MAF: variants seen among roughly 807,000 people sequenced by gnomAD.
MAF encodes the protein transcription factor Maf.
Under a neutral mutation model 22.0 loss-of-function variants are expected in MAF, and 10 were observed. The observed-to-expected ratio is 0.45, with a 90% CI of 0.28 to 0.77. The LOEUF is 0.77. MAF is among the 30% of genes least tolerant of loss of function. MAF has a pLI of 0.12. For missense variants in MAF, 544 were observed against 548.4 expected (o/e 0.99, Z 0.08); for synonymous variants, 337 against 255.8 (o/e 1.32, Z -3.03).
At chr16:79,355,594 G>C in the MAF span, among the ~76,000 whole-genome samples, 20 of 152,256 alleles carry the variant, frequency 1.3e-4, no homozygotes, top group African/African-American at 4.8e-4. Context: ...CTATCTCCCT[G>C]GTTTGAGAGT....
At position 79,600,080 on chromosome 16, in the gene MAF, G is replaced by A. The variant is rs974600802; in HGVS notation, c.-178C>T. The A allele has an allele frequency of 3.0e-5, 21 of 695,514 alleles. No individual in the cohort carries two copies. Among genetic ancestry groups the A allele is most frequent in the Non-Finnish European group, 4.2e-5 (19 of 453,350 alleles). The allele number at this position is 695,514 out of a possible 1,614,324, so 43.1% of individuals were successfully genotyped here. A position where few individuals can be genotyped will look rare whatever the true frequency, so the allele number is the denominator to read the frequency against. ...AGCGCGCTCACACACACACCCCCCC[G>A]CCCTGCCCGCGCCCCCCGCGCCCGC... is the stretch of plus-strand genomic sequence containing the variant. On this transcript the variant is annotated 5_prime_UTR_variant, in exon 1 of 2. Coordinates refer to ENST00000326043, the MANE Select transcript of MAF (RefSeq NM_005360.5).
the MAF span, among the ~76,000 whole-genome samples, chr16:79,398,505 G>T: frequency 2.0e-5 from 3 of 152,168 alleles, no homozygotes; most frequent in Admixed American, 2.0e-4. Context: ...TGAGAAGATG[G>T]AGGGAGATAA....
chr16:79,401,651 T>C, the MAF span, among the ~76,000 whole-genome samples: 1 of 152,098 alleles, frequency 6.6e-6, no homozygotes, highest in African/African-American at 2.4e-5. Flanking sequence ...TTCCAGTGTG[T>C]ACCCATACAA....
chr16:79,317,130 T>C, the MAF span, among the ~76,000 whole-genome samples: 2 of 151,246 alleles, frequency 1.3e-5, no homozygotes, highest in Non-Finnish European at 3.0e-5. Flanking sequence ...TCTGTCTCTC[T>C]CCCTCCCTCC....
At chr16:79,244,270 C>T in the MAF span, among the ~76,000 whole-genome samples, 1 of 151,998 alleles carries the variant, frequency 6.6e-6, no homozygotes, top group East Asian at 1.9e-4. Context: ...CAGAGGGAGT[C>T]AAATTGTCTC....
At chr16:79,434,688 G>C in the MAF span, among the ~76,000 whole-genome samples, 2 of 151,622 alleles carry the variant, frequency 1.3e-5, no homozygotes, top group Non-Finnish European at 1.5e-5. Context: ...ATTATATACA[G>C]TTTTAATAGA....
At chr16:79,287,075 C>G in the MAF span, among the ~76,000 whole-genome samples, 83 of 151,652 alleles carry the variant, frequency 5.5e-4, no homozygotes, top group Middle Eastern at 3.5e-3. Context: ...CACAAACGAA[C>G]ATTCCAGAAT....
chr16:79,338,366 A>G, the MAF span, among the ~76,000 whole-genome samples: 15 of 152,298 alleles, frequency 9.8e-5, no homozygotes, highest in East Asian at 7.7e-4. Flanking sequence ...GATATCAAGT[A>G]TTATTCTGTA....
the MAF span, among the ~76,000 whole-genome samples, chr16:79,429,944 G>C: frequency 1.3e-5 from 2 of 152,158 alleles, no homozygotes; most frequent in East Asian, 3.9e-4. Context: ...GGAGCAAAGA[G>C]AGGAAAAAGG....
At chr16:79,296,208 T>C in the MAF span, among the ~76,000 whole-genome samples, 5 of 152,258 alleles carry the variant, frequency 3.3e-5, no homozygotes, top group Non-Finnish European at 7.3e-5. Flanking sequence ...AAGTACCTAA[T>C]AAAGTTAATT....
At chr16:79,506,476 T>C in the MAF span, among the ~76,000 whole-genome samples, 4 of 152,008 alleles carry the variant, frequency 2.6e-5, no homozygotes, top group South Asian at 2.1e-4. Flanking sequence ...CCAGCACCCA[T>C]AAAGGGTGAG....
At chr16:79,206,168 C>A in the MAF span, 2 of 152,140 alleles carry the variant, frequency 1.3e-5, no homozygotes, top group African/African-American at 2.4e-5. Flanking sequence ...GGTGAACACA[C>A]GACAGCCCCC....
At chr16:79,424,028 T>C in the MAF span, among the ~76,000 whole-genome samples, 1 of 152,198 alleles carries the variant, frequency 6.6e-6, no homozygotes, top group Non-Finnish European at 1.5e-5. Context: ...TTCATAGGTT[T>C]TCACCCATTA....
chr16:79,328,040 A>G, the MAF span, among the ~76,000 whole-genome samples: 1 of 152,202 alleles, frequency 6.6e-6, no homozygotes. Flanking sequence ...CAATGGGCAT[A>G]AGAATTCCCA....
At chr16:79,598,151 A>G (rs1913675374) in intron 1 of MAF, 1 of 1,047,608 alleles carries the variant, frequency 9.5e-7, no homozygotes, top group Non-Finnish European at 1.2e-6. Context: ...TCAGGAGAAG[A>G]AAAAAAAACT....
At chr16:79,519,268 A>G in the MAF span, among the ~76,000 whole-genome samples, 2 of 152,124 alleles carry the variant, frequency 1.3e-5, no homozygotes, top group Admixed American at 6.5e-5. Flanking sequence ...CACCTCAGAG[A>G]TCTCTGAAGA....
At chr16:79,262,932 C>A in the MAF span, among the ~76,000 whole-genome samples, 1 of 152,132 alleles carries the variant, frequency 6.6e-6, no homozygotes, top group Non-Finnish European at 1.5e-5. Context: ...ATGTTTGCAG[C>A]AGAGTAATGA....
the MAF span, among the ~76,000 whole-genome samples, chr16:79,371,852 A>T: frequency 5.3e-5 from 8 of 152,354 alleles, no homozygotes; most frequent in African/African-American, 1.9e-4. Flanking sequence ...GGCAGAACAC[A>T]TCCTGATCTT....
the MAF span, among the ~76,000 whole-genome samples, chr16:79,329,988 G>C: frequency 6.6e-6 from 1 of 151,852 alleles, no homozygotes; most frequent in Non-Finnish European, 1.5e-5. Context: ...TATGGATTAG[G>C]AAATGAGCAA....
Sources: allele counts gnomAD v4.1 joint callset (sites outside exome capture counted in the v4.1 genomes callset), GRCh38; gene constraint gnomAD v4.1.1; transcripts MANE v1.5; gene names NCBI Gene and HGNC (gene_info 2026-07-23, HGNC 2026-07-21).